PAX3: variants seen among roughly 807,000 people sequenced by gnomAD.
PAX3 encodes the protein paired box protein Pax-3.
PAX3 carries 14 observed loss-of-function variants against 51.6 expected under a neutral mutation model. The ratio of observed to expected loss-of-function variants is 0.27; its 90% CI spans 0.18 to 0.42. The LOEUF is 0.42. PAX3 is among the 10% of genes least tolerant of loss of function. The pLI is 1.00. For missense variants in PAX3, 540 were observed against 642.8 expected (o/e 0.84, Z 1.73); for synonymous variants, 280 against 253.4 (o/e 1.11, Z -1.00).
At chr2:222,220,044 G>T (rs971482753) in intron 7 of PAX3, 96 bp downstream of exon 7, 18 of 1,041,650 alleles carry the variant, frequency 1.7e-5, no homozygotes, top group Non-Finnish European at 2.6e-5. Context: ...ATACATTATG[G>T]TTTAAATTTG....
intron 7 of PAX3, among the ~76,000 whole-genome samples, chr2:222,202,472 C>T (rs1358136015): frequency 6.6e-6 from 1 of 151,768 alleles, no homozygotes; most frequent in Non-Finnish European, 1.5e-5. Context: ...AGAGAGATTA[C>T]ACCACGTCCC....
chr2:222,296,917 G>A lies in PAX3; in HGVS notation c.321+61C>T, dbSNP rs1695329519. On this transcript the variant is annotated intron_variant, in intron 2 of 8. Transcript: ENST00000392070. ...GATGTCAGCCGTTACCCCCCGCCCG[G>A]TCTTCCCCAACACAGGGGACCACAG... 13 of 1,399,806 alleles carry A rather than the reference G, an allele frequency of 9.3e-6. No individual in the cohort carries two copies. The Admixed American group carries it at 1.3e-4, about 14-fold the overall frequency. 86.7% of individuals were successfully genotyped at this position (1,399,806 alleles called of 1,614,324 possible).
intron 1 of PAX3, chr2:222,298,280 G>T (rs1695412945): frequency 1.9e-6 from 1 of 537,660 alleles, no homozygotes; most frequent in East Asian, 3.0e-5. Flanking sequence ...CAAAACAACA[G>T]GGACAAGTCT....
At chr2:222,230,059 C>A (rs1426456669) in intron 5 of PAX3, among the ~76,000 whole-genome samples, 1 of 152,002 alleles carries the variant, frequency 6.6e-6, no homozygotes, top group Non-Finnish European at 1.5e-5. Context: ...ACCTGTAGCC[C>A]CAACTATCTG....
intron 7 of PAX3, among the ~76,000 whole-genome samples, chr2:222,205,422 G>A (rs1301569059): frequency 3.9e-5 from 6 of 152,110 alleles, no homozygotes; most frequent in Middle Eastern, 3.2e-3. Context: ...AGGGGCTGAT[G>A]TGAGAGCATA....
intron 4 of PAX3, among the ~76,000 whole-genome samples, chr2:222,272,980 C>T (rs948168884): frequency 2.6e-5 from 4 of 152,134 alleles, no homozygotes; most frequent in Non-Finnish European, 4.4e-5. Flanking sequence ...ATTTCTGAAC[C>T]GTATTCATGT....
chr2:222,254,434 A>C lies in PAX3; in HGVS notation c.587-22151T>G, dbSNP rs1375108456. ...GCATCACACATATAAGGTTACCCTA[A>C]GGGTCTGAAATTCAGTTTCTTAGAT... On this transcript the variant is annotated intron_variant, in intron 4 of 8. Transcript: ENST00000392070. 4.0e-5 allele frequency among the ~76,000 whole-genome samples: 6 copies of C among 149,902 alleles called. No individual in the cohort carries two copies. The Admixed American group carries it at 4.0e-4, about 10-fold the overall frequency.
intron 4 of PAX3, among the ~76,000 whole-genome samples, chr2:222,285,483 C>T (rs1239706711): frequency 2.0e-5 from 3 of 152,162 alleles, no homozygotes; most frequent in Non-Finnish European, 4.4e-5. Context: ...GTTTAAAAGT[C>T]ATTTTCATTT....
chr2:222,233,918 TGAAGGTGGTGCTA>T (rs1188797555), intron 4 of PAX3, among the ~76,000 whole-genome samples: 4 of 152,148 alleles, frequency 2.6e-5, no homozygotes, highest in African/African-American at 9.6e-5. Flanking sequence ...CCTGGGGAAA[TGAAGGTGGTGCTA>T]GAAGCAATGT....
intron 4 of PAX3, among the ~76,000 whole-genome samples, chr2:222,285,087 G>A (rs188277707): frequency 2.0e-5 from 3 of 152,344 alleles, no homozygotes; most frequent in Admixed American, 2.0e-4. Context: ...AACTGGCCAA[G>A]TGGGGATTCA....
intron 4 of PAX3, among the ~76,000 whole-genome samples, chr2:222,260,205 T>A (rs553387148): frequency 3.1e-4 from 47 of 152,190 alleles, no homozygotes; most frequent in South Asian, 2.1e-3. Flanking sequence ...AACTGAATGC[T>A]CTTCTGTTGT....
At chr2:222,288,818 A>G (rs1033497492) in intron 4 of PAX3, among the ~76,000 whole-genome samples, 15 of 152,236 alleles carry the variant, frequency 9.9e-5, no homozygotes, top group African/African-American at 3.4e-4. Context: ...AATTTGGTCA[A>G]TTCCTCCTTA....
chr2:222,220,378 C>G (rs368896993), intron 6 of PAX3, 24 bp from the exon 7 acceptor site: 1 of 1,611,018 alleles, frequency 6.2e-7, no homozygotes, highest in Non-Finnish European at 8.5e-7. Flanking sequence ...GATTGTCAAC[C>G]ATCATGTTTT....
intron 4 of PAX3, among the ~76,000 whole-genome samples, chr2:222,267,495 C>G (rs543291388): frequency 6.6e-6 from 1 of 152,204 alleles, no homozygotes; most frequent in South Asian, 2.1e-4. Flanking sequence ...AAAATCTATT[C>G]TTTCTGTAAG....
At chr2:222,290,268 G>T (rs1032508932) in intron 4 of PAX3, among the ~76,000 whole-genome samples, 1 of 152,082 alleles carries the variant, frequency 6.6e-6, no homozygotes, top group African/African-American at 2.4e-5. Context: ...AGCTGAAGTC[G>T]TCCTCGTTAA....
At chr2:222,267,604 A>G (rs45492503) in intron 4 of PAX3, among the ~76,000 whole-genome samples, 2,038 of 152,130 alleles carry the variant, frequency 0.013, 43 homozygotes, top group African/African-American at 0.046. Flanking sequence ...TTACATTTTT[A>G]TTATTATTTG....
intron 4 of PAX3, among the ~76,000 whole-genome samples, chr2:222,280,071 C>T (rs537197454): frequency 1.4e-4 from 22 of 151,916 alleles, no homozygotes; most frequent in Non-Finnish European, 2.1e-4. Flanking sequence ...ATTAGCCAGA[C>T]GAGGTGGTGC....
rs771795902 is a variant in PAX3 at position 222,201,203 on chromosome 2, T to G, written c.*205A>C. 15 of 1,614,110 alleles carry G rather than the reference T, an allele frequency of 9.3e-6. No homozygotes were observed. The South Asian group carries it at 1.4e-4, about 15-fold the overall frequency. On this transcript the variant is annotated 3_prime_UTR_variant, in exon 9 of 9. Coordinates refer to ENST00000392070, the MANE Select transcript of PAX3 (RefSeq NM_181458.4). The stretch of plus-strand genomic sequence containing the variant: ...TGCTCCAGGTCTTCCTCTTCTCCAC[T>G]GCTTTTGTCGAACGTGTTCAAAAGG...
At chr2:222,247,812 C>A (rs1693284030) in intron 4 of PAX3, among the ~76,000 whole-genome samples, 1 of 152,030 alleles carries the variant, frequency 6.6e-6, no homozygotes, top group African/African-American at 2.4e-5. Context: ...AGCGTCTTAA[C>A]CATTCTATTT....
Sources: gnomAD v4.1 joint callset for allele counts (sites outside exome capture counted in the v4.1 genomes callset) on GRCh38, gnomAD v4.1.1 for gene constraint, MANE v1.5 for transcripts, NCBI Gene and HGNC (gene_info 2026-07-23, HGNC 2026-07-21) for gene names.